Variants in GPR158 observed in about 807,000 individuals in gnomAD.
GPR158 encodes metabotropic glycine receptor.
A neutral mutation model predicts 78.2 loss-of-function variants in GPR158; 30 were observed. The observed-to-expected ratio is 0.38, with a 90% CI of 0.29 to 0.52. The LOEUF is 0.52. Ranked by LOEUF, GPR158 falls within the 20% of genes least tolerant of loss-of-function variation. The pLI is 0.83. For synonymous variants in GPR158, 581 were observed against 591.1 expected (o/e 0.98, Z 0.25); for missense variants, 1,463 against 1,523.5 (o/e 0.96, Z 0.66).
At position 25,548,522 on chromosome 10, in the gene GPR158, A is replaced by C. The variant is rs140363016; in HGVS notation, c.1405-2454A>C. On this transcript the variant is annotated intron_variant, in intron 5 of 10. Coordinates refer to ENST00000376351, the MANE Select transcript of GPR158 (RefSeq NM_020752.3). ...CCACACACTATTACATTTAAGCTTC[A>C]ATATATTTCCAAGATGAAGTATTTT... is the stretch of plus-strand genomic sequence containing the variant. Among the ~76,000 whole-genome samples, 519 of 152,290 alleles carry C rather than the reference A, an allele frequency of 3.4e-3. 1 individual carries two copies. Among genetic ancestry groups the C allele is most frequent in the African/African-American group, 0.011 (440 of 41,558 alleles).
chr10:25,589,192 G>A, intron 8 of GPR158, 47 bp downstream of exon 8: 2 of 1,396,794 alleles, frequency 1.4e-6, no homozygotes, highest in Non-Finnish European at 2.0e-6. Flanking sequence ...TTTTTCTGAT[G>A]TGTTGCTGTT....
At chr10:25,490,812 A>G (rs1017759717) in intron 5 of GPR158, among the ~76,000 whole-genome samples, 5 of 151,730 alleles carry the variant, frequency 3.3e-5, no homozygotes, top group African/African-American at 7.3e-5. Flanking sequence ...ATACCCAGTA[A>G]TGGGATGGCT....
At chr10:25,280,809 G>T (rs569895536) in intron 2 of GPR158, among the ~76,000 whole-genome samples, 13 of 152,222 alleles carry the variant, frequency 8.5e-5, no homozygotes, top group African/African-American at 3.1e-4. Context: ...TAAAGAGCTA[G>T]TATACTGACC....
At chr10:25,423,680 C>T (rs148132848) in intron 4 of GPR158, among the ~76,000 whole-genome samples, 4,174 of 152,176 alleles carry the variant, frequency 0.027, 82 homozygotes, top group Non-Finnish European at 0.043. Context: ...TGATGGTTTC[C>T]AGCTTCATCC....
At chr10:25,315,076 G>A (rs57985136) in intron 2 of GPR158, among the ~76,000 whole-genome samples, 30,480 of 151,198 alleles carry the variant, frequency 0.2, 5,173 homozygotes, top group African/African-American at 0.47. Flanking sequence ...AATGTTTCAT[G>A]TGCACTCGAG....
At chr10:25,470,363 G>A (rs1056547735) in intron 5 of GPR158, among the ~76,000 whole-genome samples, 1 of 151,918 alleles carries the variant, frequency 6.6e-6, no homozygotes, top group Admixed American at 6.6e-5. Context: ...AAAAGAGCTC[G>A]GTGGAGGGAG....
intron 2 of GPR158, among the ~76,000 whole-genome samples, chr10:25,253,677 C>A (rs987815684): frequency 6.6e-6 from 1 of 152,066 alleles, no homozygotes; most frequent in Non-Finnish European, 1.5e-5. Context: ...ATGAGCCATG[C>A]TGAAACCGTT....
In GPR158 at chr10:25,472,043, T is replaced by A. The variant is rs559891826; in HGVS notation, c.1404+5324T>A. 6.4e-4 allele frequency among the ~76,000 whole-genome samples: 97 copies of A among 152,298 alleles called. 3 individuals carry two copies. In the East Asian group the frequency reaches 0.015, roughly 24 times the overall value. On this transcript the variant is annotated intron_variant, in intron 5 of 10. Coordinates refer to ENST00000376351, the MANE Select transcript of GPR158 (RefSeq NM_020752.3). ...TAGACATGAAGTCCTTGCCCATGCC[T>A]ATGTCCTGAATGGTATTGCCTAGGT... is the stretch of plus-strand genomic sequence containing the variant.
intron 2 of GPR158, among the ~76,000 whole-genome samples, chr10:25,296,517 T>C (rs902751893): frequency 6.6e-6 from 1 of 152,194 alleles, no homozygotes; most frequent in African/African-American, 2.4e-5. Flanking sequence ...GATTGATTGA[T>C]TATTGATTGA....
intron 2 of GPR158, among the ~76,000 whole-genome samples, chr10:25,389,828 G>T (rs141386332): frequency 2.0e-5 from 3 of 152,114 alleles, no homozygotes; most frequent in Non-Finnish European, 4.4e-5. Flanking sequence ...ACCACACCAC[G>T]TTTCTTGGTG....
chr10:25,297,955 A>C (rs369501453), intron 2 of GPR158, among the ~76,000 whole-genome samples: 44 of 152,340 alleles, frequency 2.9e-4, no homozygotes, highest in South Asian at 2.1e-3. Context: ...TTTGCCCCTT[A>C]ATAGCTGAGT....
chr10:25,539,087 C>T (rs571948134), intron 5 of GPR158, among the ~76,000 whole-genome samples: 55 of 152,144 alleles, frequency 3.6e-4, no homozygotes, highest in African/African-American at 1.2e-3. Context: ...TTCCTTGAGC[C>T]GCTAAATGTC....
intron 6 of GPR158, among the ~76,000 whole-genome samples, chr10:25,556,135 G>C (rs1189059404): frequency 1.3e-5 from 2 of 152,150 alleles, no homozygotes; most frequent in Non-Finnish European, 1.5e-5. Flanking sequence ...TATTCGACTT[G>C]GTTGATTGCG....
At chr10:25,535,272 T>A (rs1250926442) in intron 5 of GPR158, among the ~76,000 whole-genome samples, 1 of 152,232 alleles carries the variant, frequency 6.6e-6, no homozygotes, top group Non-Finnish European at 1.5e-5. Flanking sequence ...TCAAACAGAT[T>A]AACATTGAAA....
intron 2 of GPR158, among the ~76,000 whole-genome samples, chr10:25,379,190 A>T (rs1834123284): frequency 6.6e-6 from 1 of 152,068 alleles, no homozygotes; most frequent in South Asian, 2.1e-4. Flanking sequence ...ATTAATTTAG[A>T]TTTACTCGCA....
At chr10:25,518,347 A>G (rs1836212004) in intron 5 of GPR158, among the ~76,000 whole-genome samples, 1 of 84,636 alleles carries the variant, frequency 1.2e-5, no homozygotes, top group South Asian at 3.7e-4. Flanking sequence ...TGATTTTTTG[A>G]AGGGTTTTTT....
At chr10:25,230,397 A>G (rs1316627448) in intron 2 of GPR158, among the ~76,000 whole-genome samples, 1 of 152,242 alleles carries the variant, frequency 6.6e-6, no homozygotes, top group African/African-American at 2.4e-5. Flanking sequence ...TTTCAACTGT[A>G]TTCAGAACTT....
chr10:25,490,538 C>T (rs926142164), intron 5 of GPR158, among the ~76,000 whole-genome samples: 5 of 141,056 alleles, frequency 3.5e-5, no homozygotes, highest in Non-Finnish European at 6.1e-5. Flanking sequence ...TGAGAATATG[C>T]GGTGTTTGGT....
At chr10:25,534,624 C>T (rs7097392) in intron 5 of GPR158, among the ~76,000 whole-genome samples, 1 of 150,634 alleles carries the variant, frequency 6.6e-6, no homozygotes. Flanking sequence ...TGTGGTGGCA[C>T]GTATCTGTAA....
Sources: gnomAD v4.1 joint callset for allele counts (sites outside exome capture counted in the v4.1 genomes callset) on GRCh38, gnomAD v4.1.1 for gene constraint, MANE v1.5 for transcripts, NCBI Gene and HGNC (gene_info 2026-07-23, HGNC 2026-07-21) for gene names.